ELAPOR1: variants seen among roughly 807,000 people sequenced by gnomAD.
ELAPOR1 encodes the protein endosome-lysosome associated apoptosis and autophagy regulator 1, also known as endosome/lysosome-associated apoptosis and autophagy regulator 1.
Under a neutral mutation model 119.7 loss-of-function variants are expected in ELAPOR1, and 77 were observed. That is an observed-to-expected ratio of 0.64 (90% CI 0.54 to 0.78). The LOEUF (loss-of-function observed/expected upper bound fraction) is 0.78, where lower values mean the gene tolerates loss of function less well. Ranked by LOEUF, ELAPOR1 falls within the 30% of genes least tolerant of loss-of-function variation. The probability of loss-of-function intolerance (pLI) is 0.00; values close to 1 mark genes in which losing one functional copy is unlikely to be tolerated. For synonymous variants in ELAPOR1, 481 were observed against 487.2 expected (o/e 0.99, Z 0.17); for missense variants, 1,115 against 1,270.4 (o/e 0.88, Z 1.86).
intron 7 of ELAPOR1, among the ~76,000 whole-genome samples, chr1:109,177,062 C>A (rs1311672438): frequency 7.6e-5 from 11 of 143,906 alleles, no homozygotes; most frequent in East Asian, 6.0e-4. Flanking sequence ...ACCTTTCCCC[C>A]CTTTCTATTC....
intron 3 of ELAPOR1, among the ~76,000 whole-genome samples, chr1:109,171,300 C>T (rs1651907574): frequency 6.6e-6 from 1 of 152,132 alleles, no homozygotes; most frequent in South Asian, 2.1e-4. Context: ...GTAATCCCAG[C>T]CCTTTTTGAG....
chr1:109,141,529 G>C lies in ELAPOR1; in HGVS notation c.154-20365G>C, dbSNP rs753660649. Among the ~76,000 whole-genome samples, 14 of 152,234 alleles carry C rather than the reference G, an allele frequency of 9.2e-5. No homozygotes were observed. In the East Asian group the frequency reaches 2.7e-3, roughly 29 times the overall value. On this transcript the variant is annotated intron_variant, in intron 1 of 21. Coordinates refer to ENST00000369939, the MANE Select transcript of ELAPOR1 (RefSeq NM_020775.5). ...GCCCGCCTCAGCCTCCCAAAGTGCT[G>C]GGATTACAGGAGTGAGCCACCGCCC...
chr1:109,197,071 G>C (rs1349147690), intron 15 of ELAPOR1, among the ~76,000 whole-genome samples: 2 of 151,822 alleles, frequency 1.3e-5, no homozygotes, highest in African/African-American at 2.4e-5. Flanking sequence ...GGAGACTGAG[G>C]CAGGAAGATT....
intron 1 of ELAPOR1, among the ~76,000 whole-genome samples, chr1:109,120,117 G>T (rs1270386223): frequency 6.6e-6 from 1 of 152,132 alleles, no homozygotes; most frequent in East Asian, 1.9e-4. Flanking sequence ...GGCCTGAGGG[G>T]CTGGGCACCA....
chr1:109,154,632 C>G (rs1049267870), intron 1 of ELAPOR1, among the ~76,000 whole-genome samples: 1 of 152,230 alleles, frequency 6.6e-6, no homozygotes, highest in Non-Finnish European at 1.5e-5. Context: ...TTGCAGTCAT[C>G]ATTGGCCAGC....
intron 7 of ELAPOR1, among the ~76,000 whole-genome samples, chr1:109,175,733 T>A (rs1360015551): frequency 6.9e-6 from 1 of 144,982 alleles, no homozygotes; most frequent in Admixed American, 7.1e-5. Context: ...AGGCTGAGGC[T>A]GGAGAATCAC....
intron 1 of ELAPOR1, among the ~76,000 whole-genome samples, chr1:109,115,702 G>C (rs950357246): frequency 3.9e-5 from 6 of 152,238 alleles, no homozygotes; most frequent in Admixed American, 1.3e-4. Flanking sequence ...AGTCAGGTGT[G>C]GGGGGGAGGA....
intron 1 of ELAPOR1, among the ~76,000 whole-genome samples, chr1:109,116,351 A>G (rs1015073607): frequency 6.6e-6 from 1 of 152,198 alleles, no homozygotes; most frequent in Non-Finnish European, 1.5e-5. Context: ...TGCTTTGAGT[A>G]TTGAAATAGA....
Position 109,194,567 on chromosome 1 carries a change from C to A in ELAPOR1, c.2094C>A (p.His698Gln), listed in dbSNP as rs868781123. ...CCAAAGGGCTGAAATACTTCCATCA[C>A]TTTACCCTCAGTCTCTGTGGAAACC... ...FTSKGLKYFH[H>Q]FTLSLCGNQG... Residue 698 changes from histidine to glutamine, a missense_variant, in exon 15 of 22, where the codon CAC (histidine) becomes CAA (glutamine). Physicochemically the swap from His to Gln is conservative, Grantham distance 24. Transcript: ENST00000369939. 7 of 1,613,820 alleles carry A rather than the reference C, an allele frequency of 4.3e-6. No homozygotes were observed. In the African/African-American group the frequency reaches 6.7e-5, roughly 15 times the overall value.
chr1:109,178,102 C>T (rs1652463792), intron 7 of ELAPOR1, among the ~76,000 whole-genome samples: 1 of 151,500 alleles, frequency 6.6e-6, no homozygotes, highest in African/African-American at 2.4e-5. Context: ...CTCTGCCTCC[C>T]CAGTTCAAGT....
intron 21 of ELAPOR1, 173 bp from the exon 22 acceptor site, chr1:109,202,771 T>C (rs1181629843): frequency 2.8e-6 from 2 of 711,394 alleles, no homozygotes; most frequent in African/African-American, 3.6e-5. Flanking sequence ...GTTCTCCAAC[T>C]GACCCTGAAG....
intron 8 of ELAPOR1, chr1:109,187,477 T>A: frequency 1.0e-6 from 1 of 999,792 alleles, no homozygotes; most frequent in African/African-American, 1.7e-5. Context: ...GTATGGTATC[T>A]GCACAGATCA....
chr1:109,192,681 C>A lies in ELAPOR1; in HGVS notation c.1754C>A (p.Ala585Asp), dbSNP rs1347005461. The part of the protein sequence containing the change: ...INVTNVMNGV[A>D]SYCRPCALEA... ...GTCACCAATGTTATGAATGGTGTGG[C>A]CTCCTACTGCCGTCCCTGTGCCCTA... The change falls in exon 14 of 22, where the codon GCC (alanine) becomes GAC (aspartate). Residue 585 changes from alanine to aspartate, a missense_variant. Ala to Asp is a moderately radical substitution (Grantham distance 126). Coordinates refer to ENST00000369939, the MANE Select transcript of ELAPOR1 (RefSeq NM_020775.5). The A allele has an allele frequency of 4.3e-6, 7 of 1,613,966 alleles. No individual in the cohort carries two copies. The highest frequency in any genetic ancestry group is 5.9e-6 in the Non-Finnish European group (7 of 1,179,992).
At chr1:109,196,482 TG>T (rs550529190) in intron 15 of ELAPOR1, among the ~76,000 whole-genome samples, 18 of 152,182 alleles carry the variant, frequency 1.2e-4, no homozygotes, top group Non-Finnish European at 2.5e-4. Context: ...GCAATGAAGG[TG>T]GGGAATTTGG....
chr1:109,189,612 C>A lies in ELAPOR1; in HGVS notation c.1369C>A (p.His457Asn). The A allele has an allele frequency of 6.2e-7, 1 of 1,614,058 alleles. No individual in the cohort carries two copies. The highest frequency in any genetic ancestry group is 1.1e-5 in the South Asian group (1 of 91,062). ...TTCAGGCTGGGAGGTGGCTGGTGAT[C>A]ACATTTACACAGCTGCTGGAGCCTC... Reference protein sequence around the residue: ...GMTGWEVAGDHIYTAAGASDN... With the variant: ...GMTGWEVAGDNIYTAAGASDN... The change falls in exon 11 of 22, where the codon CAC (histidine) becomes AAC (asparagine). Residue 457 changes from histidine to asparagine, a missense_variant. Physicochemically the swap from His to Asn is moderately conservative, Grantham distance 68. Coordinates refer to ENST00000369939, the MANE Select transcript of ELAPOR1 (RefSeq NM_020775.5).
At position 109,205,087 on chromosome 1, in the gene ELAPOR1, A is replaced by G. The variant is rs1021074493; in HGVS notation, c.*2075A>G. Reference sequence around the variant, plus strand: ...CTATGCCCATTTTCCCCAATTTTACACAAACTATTATCAATGAACTTTTAA... The same window carrying G: ...CTATGCCCATTTTCCCCAATTTTACGCAAACTATTATCAATGAACTTTTAA... On this transcript the variant is annotated 3_prime_UTR_variant, in exon 22 of 22. Transcript: ENST00000369939. The G allele has an allele frequency of 3.3e-5, 5 of 152,170 alleles. No individual in the cohort carries two copies. In the East Asian group the frequency reaches 9.6e-4, roughly 29 times the overall value. 9.4% of individuals were successfully genotyped at this position (152,170 alleles called of 1,614,324 possible). A position where few individuals can be genotyped will look rare whatever the true frequency, so the allele number is the denominator to read the frequency against.
intron 1 of ELAPOR1, among the ~76,000 whole-genome samples, chr1:109,121,144 AT>A (rs1198546975): frequency 4.0e-5 from 6 of 151,648 alleles, no homozygotes; most frequent in South Asian, 2.1e-4. Context: ...TATTTCTTGA[AT>A]TTTTTTTCAA....
At chr1:109,122,536 C>T (rs188547359) in intron 1 of ELAPOR1, among the ~76,000 whole-genome samples, 282 of 151,866 alleles carry the variant, frequency 1.9e-3, no homozygotes, top group Non-Finnish European at 3.3e-3. Flanking sequence ...TGGCCCACGC[C>T]TGTAGACCCA....
chr1:109,122,072 CTT>C (rs535259096), intron 1 of ELAPOR1, among the ~76,000 whole-genome samples: 5,240 of 136,746 alleles, frequency 0.038, 152 homozygotes, highest in Middle Eastern at 0.1. Context: ...ACAGCTGGCT[CTT>C]TTTTTTTTTT....
Sources: allele counts gnomAD v4.1 joint callset (sites outside exome capture counted in the v4.1 genomes callset), GRCh38; gene constraint gnomAD v4.1.1; transcripts MANE v1.5; gene names NCBI Gene and HGNC (gene_info 2026-07-23, HGNC 2026-07-21).